Variants in GTF2IRD2B observed in about 807,000 individuals in gnomAD.
The protein encoded by GTF2IRD2B is GTF2I repeat domain containing 2B.
A neutral mutation model predicts 55.6 loss-of-function variants in GTF2IRD2B; 10 were observed. That is an observed-to-expected ratio of 0.18 (90% CI 0.11 to 0.31). The LOEUF is 0.31. Ranked by LOEUF, GTF2IRD2B falls within the 10% of genes least tolerant of loss-of-function variation. The pLI is 1.00. For synonymous variants in GTF2IRD2B, 107 were observed against 320.5 expected, an observed-to-expected ratio of 0.33 and a Z score of 7.12; for missense variants, 206 against 802.7, an observed-to-expected ratio of 0.26 and a Z score of 8.98.
At chr7:75,146,704 G>A (rs1220757772) in intron 15 of GTF2IRD2B, 1 of 95,368 alleles carries the variant, frequency 1.0e-5, no homozygotes, top group African/African-American at 4.2e-5. Flanking sequence ...AAAAGAAAAT[G>A]CAAACATATT....
At chr7:75,103,961 G>A (rs1321529816) in intron 1 of GTF2IRD2B, among the ~76,000 whole-genome samples, 3 of 150,418 alleles carry the variant, frequency 2.0e-5, no homozygotes, top group Non-Finnish European at 4.4e-5. Context: ...GAACCTGGGA[G>A]GCAGAGCTTG....
At chr7:75,114,020 G>C (rs1274690552) in intron 3 of GTF2IRD2B, among the ~76,000 whole-genome samples, 1 of 149,362 alleles carries the variant, frequency 6.7e-6, no homozygotes, top group Non-Finnish European at 1.5e-5. Context: ...TATGTAGATA[G>C]CTTAGATGGA....
intron 10 of GTF2IRD2B, among the ~76,000 whole-genome samples, chr7:75,136,294 T>G (rs1397795798): frequency 7.5e-6 from 1 of 132,984 alleles, no homozygotes; most frequent in Admixed American, 7.4e-5. Context: ...ACCAAAATGA[T>G]TCTGTTTTTT....
At chr7:75,119,191 CAAAAAAAAAAAAAAAAAAAAA>C (rs71229657) in intron 3 of GTF2IRD2B, among the ~76,000 whole-genome samples, 1 of 5,126 alleles carries the variant, frequency 2.0e-4, no homozygotes, top group African/African-American at 1.5e-3. Flanking sequence ...AAGACTCTCT[CAAAAAAAAAAAAAAAAAAAAA>C]AAAAAAAAAA....
intron 9 of GTF2IRD2B, among the ~76,000 whole-genome samples, 168 bp from the exon 10 acceptor site, chr7:75,134,833 C>T (rs1486553369): frequency 4.0e-5 from 6 of 148,400 alleles, no homozygotes; most frequent in Admixed American, 4.0e-4. Flanking sequence ...TCCCAGAGTG[C>T]TGAGATTACA....
chr7:75,103,082 G>A (rs367787922), intron 1 of GTF2IRD2B, among the ~76,000 whole-genome samples: 10,524 of 150,626 alleles, frequency 0.07, 492 homozygotes, highest in South Asian at 0.12. Flanking sequence ...GTTCAAGACC[G>A]GCCTGGCCAA....
chr7:75,120,852 T>A, intron 3 of GTF2IRD2B, 39 bp from the exon 4 acceptor site: 1 of 1,604,290 alleles, frequency 6.2e-7, no homozygotes, highest in Non-Finnish European at 8.5e-7. Context: ...ACAGCACAAA[T>A]GCTTAGAAAC....
At chr7:75,122,862 A>G (rs147680373) in intron 4 of GTF2IRD2B, among the ~76,000 whole-genome samples, 1,650 of 151,158 alleles carry the variant, frequency 0.011, 74 homozygotes, top group Non-Finnish European at 0.019. Context: ...AGTCTGGACA[A>G]CATGGTGAAA....
At chr7:75,101,458 T>A (rs1584521532) in intron 1 of GTF2IRD2B, among the ~76,000 whole-genome samples, 1 of 149,238 alleles carries the variant, frequency 6.7e-6, no homozygotes, top group African/African-American at 2.5e-5. Flanking sequence ...TTAGCTACTC[T>A]GGAGGCTGAG....
intron 1 of GTF2IRD2B, among the ~76,000 whole-genome samples, chr7:75,093,164 G>A (rs1387410086): frequency 6.6e-6 from 1 of 151,068 alleles, no homozygotes; most frequent in Non-Finnish European, 1.5e-5. Flanking sequence ...AGGCAACTGC[G>A]CCCCGGATCC....
intron 1 of GTF2IRD2B, among the ~76,000 whole-genome samples, chr7:75,106,295 T>G (rs1807805112): frequency 1.3e-5 from 2 of 152,382 alleles, no homozygotes; most frequent in South Asian, 4.1e-4. Context: ...CCCAGCTACT[T>G]GGGAGGCTGA....
At chr7:75,096,649 C>G (rs1474918900) in intron 1 of GTF2IRD2B, among the ~76,000 whole-genome samples, 1 of 141,138 alleles carries the variant, frequency 7.1e-6, no homozygotes, top group Non-Finnish European at 1.5e-5. Context: ...TGATATGGAA[C>G]TCCTGACCTC....
intron 1 of GTF2IRD2B, among the ~76,000 whole-genome samples, chr7:75,106,970 C>T (rs1361621701): frequency 6.6e-6 from 1 of 151,012 alleles, no homozygotes; most frequent in African/African-American, 2.4e-5. Context: ...AAAATCTTGG[C>T]AAAATTTAGA....
intron 3 of GTF2IRD2B, among the ~76,000 whole-genome samples, chr7:75,118,127 G>A (rs1554451564): frequency 6.6e-6 from 1 of 151,682 alleles, no homozygotes; most frequent in African/African-American, 2.4e-5. Context: ...AATTGCAGAA[G>A]GAGGTTTCGC....
At chr7:75,101,909 A>AG (rs1384128069) in intron 1 of GTF2IRD2B, among the ~76,000 whole-genome samples, 22 of 150,510 alleles carry the variant, frequency 1.5e-4, no homozygotes, top group Non-Finnish European at 2.7e-4. Context: ...AAAAAAAAAA[A>AG]AAAAGAAAAT....
In GTF2IRD2B at chr7:75,148,435, A is replaced by G; in HGVS notation, c.1988A>G (p.Gln663Arg). 6.2e-7 allele frequency: 1 copy of G among 1,611,480 alleles called. No individual in the cohort carries two copies. Among genetic ancestry groups the G allele is most frequent in the Non-Finnish European group, 8.5e-7 (1 of 1,178,686 alleles). The change falls in exon 16 of 16, where the codon CAG (glutamine) becomes CGG (arginine). Residue 663 changes from glutamine to arginine, a missense_variant. Physicochemically the swap from Gln to Arg is conservative, Grantham distance 43. Transcript: ENST00000472837. The part of the protein sequence containing the change: ...CIIHPESLCA[Q>R]KLKMDHVMDV... Reference sequence around the variant, plus strand: ...ATTCATCCGGAATCACTCTGTGCTCAGAAGTTGAAGATGGACCACGTCATG... The same window carrying G: ...ATTCATCCGGAATCACTCTGTGCTCGGAAGTTGAAGATGGACCACGTCATG...
At chr7:75,105,019 G>A (rs1404387132) in intron 1 of GTF2IRD2B, among the ~76,000 whole-genome samples, 3 of 152,408 alleles carry the variant, frequency 2.0e-5, no homozygotes. Context: ...GCAACATAGT[G>A]AAACCCCGTC....
chr7:75,114,319 A>T (rs1242403381), intron 3 of GTF2IRD2B, among the ~76,000 whole-genome samples: 1 of 151,700 alleles, frequency 6.6e-6, no homozygotes, highest in Admixed American at 6.6e-5. Flanking sequence ...ATTTACTTGT[A>T]GATTTTTTTA....
intron 1 of GTF2IRD2B, among the ~76,000 whole-genome samples, chr7:75,103,855 A>G (rs1807666574): frequency 6.8e-6 from 1 of 147,212 alleles, no homozygotes; most frequent in African/African-American, 2.5e-5. Context: ...ACATGGTGAA[A>G]CCCCGTCTCT....
Sources: gnomAD v4.1 joint callset for allele counts (sites outside exome capture counted in the v4.1 genomes callset) on GRCh38, gnomAD v4.1.1 for gene constraint, MANE v1.5 for transcripts, NCBI Gene and HGNC (gene_info 2026-07-23, HGNC 2026-07-21) for gene names.